Variants in PIP5K1B observed in about 807,000 individuals in gnomAD.
PIP5K1B encodes the protein phosphatidylinositol-4-phosphate 5-kinase type 1 beta, also known as phosphatidylinositol 4-phosphate 5-kinase type-1 beta.
In PIP5K1B, 42 loss-of-function variants were observed where a neutral mutation model predicts 67.0. The observed-to-expected ratio is 0.63, with a 90% CI of 0.49 to 0.81. The LOEUF (loss-of-function observed/expected upper bound fraction) is 0.81. Among genes scored for constraint, PIP5K1B ranks in the 30% least tolerant of loss-of-function variants. PIP5K1B has a pLI of 0.00. For synonymous variants in PIP5K1B, 214 were observed against 231.4 expected, an observed-to-expected ratio of 0.92 and a Z score of 0.68; for missense variants, 459 against 646.3, an observed-to-expected ratio of 0.71 and a Z score of 3.14.
At chr9:68,977,836 A>G (rs1466761587) in intron 14 of PIP5K1B, among the ~76,000 whole-genome samples, 1 of 151,584 alleles carries the variant, frequency 6.6e-6, no homozygotes, top group East Asian at 2.0e-4. Context: ...TTGTATTTTT[A>G]GTAGAGATGT....
At chr9:68,969,553 G>A (rs1829245078) in intron 14 of PIP5K1B, among the ~76,000 whole-genome samples, 1 of 151,978 alleles carries the variant, frequency 6.6e-6, no homozygotes, top group South Asian at 2.1e-4. Context: ...AAAAAACACA[G>A]ACTCAGATTT....
chr9:68,812,477 G>A (rs188699850), intron 2 of PIP5K1B, among the ~76,000 whole-genome samples: 2 of 152,338 alleles, frequency 1.3e-5, no homozygotes, highest in East Asian at 3.9e-4. Flanking sequence ...CACTGAGCTG[G>A]TGCTAAACAG....
At chr9:68,791,748 T>C (rs1391004381) in intron 2 of PIP5K1B, among the ~76,000 whole-genome samples, 1 of 152,248 alleles carries the variant, frequency 6.6e-6, no homozygotes, top group Non-Finnish European at 1.5e-5. Flanking sequence ...TACTACTTGC[T>C]TTCAGTTATT....
At position 68,931,879 on chromosome 9, in the gene PIP5K1B, C is replaced by T. The variant is rs376139402; in HGVS notation, c.1202-3011C>T. Among the ~76,000 whole-genome samples the T allele has an allele frequency of 4.6e-5, 7 of 152,302 alleles. No homozygotes were observed. In the East Asian group the frequency reaches 1.4e-3, roughly 29 times the overall value. On this transcript the variant is annotated intron_variant, in intron 12 of 15. Transcript: ENST00000265382. ...GCAACCAGCCACCCAAACCAGCTCT[C>T]AATGTTACCCAGTCAAAAGAGATCC...
chr9:68,754,449 G>A (rs1242760998), intron 2 of PIP5K1B, among the ~76,000 whole-genome samples: 3 of 152,042 alleles, frequency 2.0e-5, no homozygotes, highest in South Asian at 2.1e-4. Flanking sequence ...GATTACAGGC[G>A]TGAGCCACCA....
intron 4 of PIP5K1B, chr9:68,843,168 C>T (rs909015101): frequency 2.6e-5 from 4 of 152,192 alleles, no homozygotes; most frequent in African/African-American, 9.7e-5. Context: ...GTGCCTTACC[C>T]TGATCCATTC....
intron 2 of PIP5K1B, among the ~76,000 whole-genome samples, chr9:68,804,036 G>C (rs1334075038): frequency 6.6e-6 from 1 of 152,138 alleles, no homozygotes; most frequent in Non-Finnish European, 1.5e-5. Context: ...CCGGATTGCT[G>C]TGCCTCCATG....
intron 2 of PIP5K1B, among the ~76,000 whole-genome samples, chr9:68,800,541 G>A (rs1423771007): frequency 1.3e-5 from 2 of 152,052 alleles, no homozygotes; most frequent in African/African-American, 4.8e-5. Flanking sequence ...AGTCATCCAT[G>A]GATAGCATCT....
intron 1 of PIP5K1B, among the ~76,000 whole-genome samples, chr9:68,736,135 G>A (rs1828726596): frequency 6.6e-6 from 1 of 152,102 alleles, no homozygotes; most frequent in South Asian, 2.1e-4. Flanking sequence ...GTCCTTGTGG[G>A]GACTTGGTCT....
At chr9:68,979,398 C>A (rs1221597379) in intron 14 of PIP5K1B, among the ~76,000 whole-genome samples, 1 of 152,230 alleles carries the variant, frequency 6.6e-6, no homozygotes, top group African/African-American at 2.4e-5. Context: ...GCTAGCTTTA[C>A]ACCTGTGCTT....
chr9:68,969,107 G>C (rs1262448314), intron 14 of PIP5K1B, among the ~76,000 whole-genome samples: 2 of 152,112 alleles, frequency 1.3e-5, no homozygotes, highest in South Asian at 2.1e-4. Context: ...GGTGGCTCAT[G>C]CCTGTAATCC....
intron 2 of PIP5K1B, chr9:68,780,747 A>G: frequency 6.2e-7 from 1 of 1,614,270 alleles, no homozygotes. Context: ...CAATTGCATT[A>G]GACCAAGTGT....
At chr9:68,750,054 T>G (rs184741371) in intron 2 of PIP5K1B, among the ~76,000 whole-genome samples, 4 of 152,366 alleles carry the variant, frequency 2.6e-5, no homozygotes, top group Admixed American at 2.6e-4. Context: ...ATTCAAATGA[T>G]GTAATATGTG....
intron 14 of PIP5K1B, among the ~76,000 whole-genome samples, chr9:68,985,271 A>G (rs1215760735): frequency 7.0e-6 from 1 of 143,682 alleles, no homozygotes; most frequent in African/African-American, 2.6e-5. Context: ...TTTTTTTTTG[A>G]GACAGAGTCT....
At chr9:68,884,782 CTGT>C (rs564494245) in intron 6 of PIP5K1B, among the ~76,000 whole-genome samples, 10 of 151,966 alleles carry the variant, frequency 6.6e-5, no homozygotes, top group Non-Finnish European at 1.2e-4. Flanking sequence ...GTTAGAATGG[CTGT>C]TATCAAAAAA....
Position 68,898,616 on chromosome 9 carries a change from G to T in PIP5K1B, c.771+3978G>T, listed in dbSNP as rs545368017. ...CAGGTACCCCTTCATCTTCCGCCAG[G>T]CCTGCACCTCTTCTAGTCTTCTGTG... On this transcript the variant is annotated intron_variant, in intron 8 of 15. Coordinates refer to ENST00000265382, the MANE Select transcript of PIP5K1B (RefSeq NM_003558.4). 4.6e-5 allele frequency among the ~76,000 whole-genome samples: 7 copies of T among 152,176 alleles called. No homozygotes were observed. The East Asian group carries it at 1.4e-3, about 29-fold the overall frequency.
intron 2 of PIP5K1B, among the ~76,000 whole-genome samples, chr9:68,815,707 T>C (rs1833407602): frequency 6.6e-6 from 1 of 152,132 alleles, no homozygotes; most frequent in East Asian, 1.9e-4. Context: ...ATAAATTCTT[T>C]CATACCAAAA....
chr9:68,937,685 A>G (rs2132622184), intron 13 of PIP5K1B, among the ~76,000 whole-genome samples: 1 of 152,114 alleles, frequency 6.6e-6, no homozygotes, highest in Non-Finnish European at 1.5e-5. Flanking sequence ...TAGTTCTTGT[A>G]ATTTTGATGT....
In PIP5K1B at chr9:68,826,596, G is replaced by A. The variant is rs141310166; in HGVS notation, c.69+3913G>A. 3.0e-3 allele frequency among the ~76,000 whole-genome samples: 450 copies of A among 152,186 alleles called. 3 individuals are homozygous for A. The highest frequency in any genetic ancestry group is 7.3e-3 in the Admixed American group (112 of 15,300). On this transcript the variant is annotated intron_variant, in intron 4 of 15. Transcript: ENST00000265382. ...CCTCCCTGTTGGTGTAAAAAAGTGAGAAGAAAAAAGGAGGATGCAAAAGAA... is the reference window on the plus strand; with the variant it reads ...CCTCCCTGTTGGTGTAAAAAAGTGAAAAGAAAAAAGGAGGATGCAAAAGAA...
Sources: gnomAD v4.1 joint callset for allele counts (sites outside exome capture counted in the v4.1 genomes callset) on GRCh38, gnomAD v4.1.1 for gene constraint, MANE v1.5 for transcripts, NCBI Gene and HGNC (gene_info 2026-07-23, HGNC 2026-07-21) for gene names.